The following COP1 variants were observed in gnomAD, a reference collection of about 807,000 sequenced individuals.
COP1 encodes COP1 E3 ubiquitin ligase, also known as E3 ubiquitin-protein ligase COP1.
COP1 carries 24 observed loss-of-function variants against 101.3 expected under a neutral mutation model. That is an observed-to-expected ratio of 0.24 (90% CI 0.17 to 0.33). The LOEUF (loss-of-function observed/expected upper bound fraction) is 0.33, where lower values mean the gene tolerates loss of function less well. Ranked by LOEUF, COP1 falls within the 10% of genes least tolerant of loss-of-function variation. The pLI, the probability that COP1 is intolerant of heterozygous loss-of-function variation, is 1.00. For synonymous variants in COP1, 347 were observed against 341.9 expected (o/e 1.01, Z -0.17); for missense variants, 663 against 906.2 (o/e 0.73, Z 3.45).
rs759366313 is a variant in COP1, at chr1:176,194,366, G to A, written c.408-9674C>T. Among the ~76,000 whole-genome samples the A allele has an allele frequency of 4.6e-5, 7 of 152,166 alleles. No individual in the cohort carries two copies. In the South Asian group the frequency reaches 8.3e-4, roughly 18 times the overall value. The stretch of plus-strand genomic sequence containing the variant: ...CTAAAAGGCAGACTGTTGGCTGGGC[G>A]CAGTGGCTCACACCTCTAATCCCAG... On this transcript the variant is annotated intron_variant, in intron 1 of 19. Transcript: ENST00000367669.
intron 15 of COP1, among the ~76,000 whole-genome samples, chr1:176,007,594 T>G (rs1464748777): frequency 1.3e-5 from 2 of 151,934 alleles, no homozygotes; most frequent in Middle Eastern, 3.4e-3. Flanking sequence ...TCTGTTGGAA[T>G]ACCCTGCCGT....
chr1:176,089,329 T>A (rs1019703840), intron 9 of COP1, among the ~76,000 whole-genome samples: 1 of 83,376 alleles, frequency 1.2e-5, no homozygotes, highest in African/African-American at 4.2e-5. Flanking sequence ...ACAACAACAA[T>A]CTATTTAATA....
intron 1 of COP1, among the ~76,000 whole-genome samples, chr1:176,186,619 C>T (rs1004505789): frequency 1.3e-5 from 2 of 152,076 alleles, no homozygotes; most frequent in Non-Finnish European, 2.9e-5. Flanking sequence ...TTGAGTAAAA[C>T]GGTAATTCAC....
chr1:176,077,090 A>C (rs1678187490), intron 11 of COP1, among the ~76,000 whole-genome samples: 1 of 152,166 alleles, frequency 6.6e-6, no homozygotes, highest in Non-Finnish European at 1.5e-5. Flanking sequence ...AACTTCCAAA[A>C]AATCAAGGAG....
intron 6 of COP1, among the ~76,000 whole-genome samples, chr1:176,143,815 A>T (rs780031644): frequency 2.6e-5 from 4 of 152,154 alleles, no homozygotes; most frequent in Non-Finnish European, 4.4e-5. Context: ...CCAATGCTAA[A>T]CCAAAGTAAT....
intron 15 of COP1, among the ~76,000 whole-genome samples, chr1:176,003,953 T>G (rs1328068187): frequency 6.6e-6 from 1 of 151,924 alleles, no homozygotes; most frequent in Non-Finnish European, 1.5e-5. Context: ...GTATGGCCAT[T>G]TTCAGGATAT....
chr1:176,181,177 T>C (rs1028630815), intron 2 of COP1, among the ~76,000 whole-genome samples: 6 of 152,174 alleles, frequency 3.9e-5, no homozygotes, highest in African/African-American at 1.4e-4. Context: ...CTATATTGTC[T>C]CCAAATTGTT....
chr1:176,194,444 C>T (rs1699436707), intron 1 of COP1, among the ~76,000 whole-genome samples: 1 of 152,010 alleles, frequency 6.6e-6, no homozygotes, highest in Non-Finnish European at 1.5e-5. Context: ...TCAAGACCAT[C>T]CTGGCCAACA....
intron 6 of COP1, among the ~76,000 whole-genome samples, chr1:176,143,473 TAA>T (rs1398690260): frequency 6.6e-6 from 1 of 151,928 alleles, no homozygotes; most frequent in Non-Finnish European, 1.5e-5. Flanking sequence ...CCAGAAAATT[TAA>T]AAAGAGGATA....
At chr1:176,002,265 T>C (rs1661817572) in intron 15 of COP1, among the ~76,000 whole-genome samples, 1 of 152,130 alleles carries the variant, frequency 6.6e-6, no homozygotes. Flanking sequence ...TTTTTTCTTT[T>C]ATTCTTTTTT....
intron 15 of COP1, among the ~76,000 whole-genome samples, chr1:176,020,346 A>G (rs1393223865): frequency 1.3e-5 from 2 of 151,412 alleles, no homozygotes; most frequent in Non-Finnish European, 2.9e-5. Flanking sequence ...CATACTCACT[A>G]ACAGGGCCCA....
intron 18 of COP1, among the ~76,000 whole-genome samples, chr1:175,962,667 A>G (rs1373183857): frequency 6.6e-6 from 1 of 152,122 alleles, no homozygotes; most frequent in Admixed American, 6.5e-5. Flanking sequence ...TTGTCAGTTT[A>G]TTTCACAGAC....
chr1:176,052,343 T>C (rs965308235), intron 11 of COP1, among the ~76,000 whole-genome samples: 3 of 152,204 alleles, frequency 2.0e-5, no homozygotes, highest in African/African-American at 7.2e-5. Flanking sequence ...TTTCAGAATG[T>C]ATTTCCATCG....
At chr1:176,108,944 T>A (rs1209376794) in intron 9 of COP1, among the ~76,000 whole-genome samples, 2 of 151,906 alleles carry the variant, frequency 1.3e-5, no homozygotes, top group Non-Finnish European at 2.9e-5. Context: ...AAACCCCTTC[T>A]CTACTAAAAA....
In COP1 at chr1:176,057,763, TG is replaced by T. The variant is rs569809421; in HGVS notation, c.1278-11440del. Among the ~76,000 whole-genome samples, 338 of 152,192 alleles carry T rather than the reference TG, an allele frequency of 2.2e-3. 4 individuals are homozygous for T. The highest frequency in any genetic ancestry group is 8.0e-3 in the African/African-American group (331 of 41,546). On this transcript the variant is annotated intron_variant, in intron 11 of 19. Transcript: ENST00000367669. The stretch of plus-strand genomic sequence containing the variant: ...GCCTCTGCCCGGCTGCCACCCCATC[TG>T]GGAAGTGAGGAGCGTCTCTGCCTGG...
chr1:175,965,801 C>T (rs1490686348), intron 18 of COP1, among the ~76,000 whole-genome samples: 1 of 152,008 alleles, frequency 6.6e-6, no homozygotes, highest in Non-Finnish European at 1.5e-5. Context: ...TCAGGCTGGT[C>T]TCGAACTCCT....
intron 1 of COP1, among the ~76,000 whole-genome samples, chr1:176,185,899 T>C (rs1285902864): frequency 6.6e-6 from 1 of 152,070 alleles, no homozygotes; most frequent in Non-Finnish European, 1.5e-5. Context: ...TAACTGAAAA[T>C]ACACTCACTC....
rs112982009 is a variant in COP1 at position 176,090,852 on chromosome 1, G to A, written c.1027-4962C>T. ...AATATTGGAAGAGTTGATGGCTGAGGTTTTTCCAGAACTGAAAACAGACAT... is the reference window on the plus strand; with the variant it reads ...AATATTGGAAGAGTTGATGGCTGAGATTTTTCCAGAACTGAAAACAGACAT... On this transcript the variant is annotated intron_variant, in intron 9 of 19. Transcript: ENST00000367669. 2.6e-3 allele frequency among the ~76,000 whole-genome samples: 400 copies of A among 152,274 alleles called. 3 individuals are homozygous for A. Among genetic ancestry groups the A allele is most frequent in the African/African-American group, 9.2e-3 (382 of 41,562 alleles).
chr1:176,008,863 T>G (rs1664072876), intron 15 of COP1, among the ~76,000 whole-genome samples: 1 of 152,214 alleles, frequency 6.6e-6, no homozygotes, highest in Non-Finnish European at 1.5e-5. Flanking sequence ...TATTTTTAAG[T>G]CCAGCTGAGT....
Sources: allele counts gnomAD v4.1 joint callset (sites outside exome capture counted in the v4.1 genomes callset), GRCh38; gene constraint gnomAD v4.1.1; transcripts MANE v1.5; gene names NCBI Gene and HGNC (gene_info 2026-07-23, HGNC 2026-07-21).